Variants in SLC24A4 observed in about 807,000 individuals in gnomAD.
The protein encoded by SLC24A4 is sodium/potassium/calcium exchanger 4.
In SLC24A4, 53 loss-of-function variants were observed where a neutral mutation model predicts 79.0. The observed-to-expected ratio is 0.67, with a 90% CI of 0.54 to 0.84. The LOEUF is 0.84. Ranked by LOEUF, SLC24A4 falls within the 40% of genes least tolerant of loss-of-function variation. The pLI, the probability that SLC24A4 is intolerant of heterozygous loss-of-function variation, is 0.00. For synonymous variants in SLC24A4, 323 were observed against 323.8 expected, an observed-to-expected ratio of 1.00 and a Z score of 0.03; for missense variants, 731 against 822.0, an observed-to-expected ratio of 0.89 and a Z score of 1.35.
rs900617066 is a variant in SLC24A4 at position 92,499,597 on chromosome 14, C to A, written c.*5969C>A. ...AGTGCAGTGGCTTGATCACAGCTCA[C>A]GAAAGCCTCAAACTCCTAGGCTCAA... On this transcript the variant is annotated 3_prime_UTR_variant, in exon 17 of 17. Coordinates refer to ENST00000532405, the MANE Select transcript of SLC24A4 (RefSeq NM_153646.4). The A allele has an allele frequency of 6.6e-6, 1 of 151,508 alleles. No individual in the cohort carries two copies. Among genetic ancestry groups the A allele is most frequent in the East Asian group, 1.9e-4 (1 of 5,170 alleles). The allele number at this position is 151,508 out of a possible 1,614,324, so 9.4% of individuals were successfully genotyped here.
intron 12 of SLC24A4, among the ~76,000 whole-genome samples, chr14:92,467,146 A>G (rs1207792650): frequency 6.6e-6 from 1 of 152,218 alleles, no homozygotes; most frequent in African/African-American, 2.4e-5. Context: ...CTTATGTGAG[A>G]TTTTGGGTAG....
At chr14:92,449,280 GTACACACA>G in intron 10 of SLC24A4, 64 bp downstream of exon 10, 1 of 1,250,010 alleles carries the variant, frequency 8.0e-7, no homozygotes, top group Non-Finnish European at 1.1e-6. Context: ...CCTCTTTTGT[GTACACACA>G]CACACACACA....
intron 2 of SLC24A4, among the ~76,000 whole-genome samples, chr14:92,328,413 G>T (rs1489330254): frequency 2.6e-5 from 4 of 152,224 alleles, no homozygotes; most frequent in Non-Finnish European, 5.9e-5. Flanking sequence ...GAGCAGCCCC[G>T]CAGGAGGCAC....
At chr14:92,373,834 A>G (rs75215053) in intron 2 of SLC24A4, among the ~76,000 whole-genome samples, 6,909 of 152,296 alleles carry the variant, frequency 0.045, 500 homozygotes, top group African/African-American at 0.16. Flanking sequence ...ATTAGAGGTA[A>G]TAATGTAATG....
chr14:92,330,163 A>G (rs948396403), intron 2 of SLC24A4, among the ~76,000 whole-genome samples: 43 of 152,166 alleles, frequency 2.8e-4, no homozygotes, highest in Non-Finnish European at 4.1e-4. Flanking sequence ...AGGCCCCCCA[A>G]TCAGAATTGG....
At chr14:92,395,906 A>G (rs560813191) in intron 2 of SLC24A4, among the ~76,000 whole-genome samples, 2 of 152,300 alleles carry the variant, frequency 1.3e-5, no homozygotes, top group East Asian at 3.9e-4. Context: ...GCTGATGGCA[A>G]CTTCCGCCTG....
At chr14:92,442,650 C>A in intron 5 of SLC24A4, 63 bp from the exon 6 acceptor site, 1 of 1,196,798 alleles carries the variant, frequency 8.4e-7, no homozygotes, top group Non-Finnish European at 1.2e-6. Context: ...AAGGGGGACA[C>A]TGAGGAAGGG....
chr14:92,387,148 TACAGAGG>T (rs1253401907), intron 2 of SLC24A4, among the ~76,000 whole-genome samples: 4 of 148,462 alleles, frequency 2.7e-5, no homozygotes, highest in Non-Finnish European at 5.9e-5. Flanking sequence ...GGGCAGGGGG[TACAGAGG>T]GGGTGGCCTG....
At chr14:92,431,081 A>T (rs1270618828) in intron 2 of SLC24A4, among the ~76,000 whole-genome samples, 1 of 152,364 alleles carries the variant, frequency 6.6e-6, no homozygotes, top group East Asian at 1.9e-4. Flanking sequence ...AGCCCAAATC[A>T]TCTCTTACTT....
intron 1 of SLC24A4, 126 bp from the exon 2 acceptor site, chr14:92,325,742 C>T (rs1164855558): frequency 6.5e-6 from 4 of 615,292 alleles, no homozygotes; most frequent in Non-Finnish European, 1.2e-5. Flanking sequence ...TCCTATCAGT[C>T]CCTAAAGATG....
chr14:92,456,626 T>G lies in SLC24A4; in HGVS notation c.1255+18T>G. The G allele has an allele frequency of 1.2e-6, 2 of 1,610,162 alleles. No individual in the cohort carries two copies. The highest frequency in any genetic ancestry group is 8.5e-7 in the Non-Finnish European group (1 of 1,178,190). ...CGTGCCGGGTGAGTTCTGGGGGTAC[T>G]GGACTCTCGGGCTACATTTTTGGGG... On this transcript the variant is annotated intron_variant, in intron 12 of 16. Coordinates refer to ENST00000532405, the MANE Select transcript of SLC24A4 (RefSeq NM_153646.4).
At chr14:92,413,945 A>C (rs919312761) in intron 2 of SLC24A4, among the ~76,000 whole-genome samples, 1 of 152,144 alleles carries the variant, frequency 6.6e-6, no homozygotes, top group Admixed American at 6.6e-5. Context: ...AGAATCAGAT[A>C]ATTTTCTTGC....
At chr14:92,340,215 A>T (rs1204916955) in intron 2 of SLC24A4, among the ~76,000 whole-genome samples, 1 of 152,252 alleles carries the variant, frequency 6.6e-6, no homozygotes, top group Non-Finnish European at 1.5e-5. Context: ...CTTACTGGGT[A>T]CCCGTGGGTG....
chr14:92,334,820 C>T (rs1885683927), intron 2 of SLC24A4, among the ~76,000 whole-genome samples: 1 of 152,134 alleles, frequency 6.6e-6, no homozygotes, highest in Non-Finnish European at 1.5e-5. Context: ...TGTGACACCA[C>T]ATGCTGTATG....
chr14:92,440,610 T>G (rs1479068888), intron 4 of SLC24A4, among the ~76,000 whole-genome samples: 1 of 151,832 alleles, frequency 6.6e-6, no homozygotes, highest in Non-Finnish European at 1.5e-5. Flanking sequence ...TAGGGCCACA[T>G]ACAGTGGAGG....
At chr14:92,486,541 A>T in intron 13 of SLC24A4, 125 bp from the exon 14 acceptor site, 9 of 647,270 alleles carry the variant, frequency 1.4e-5, no homozygotes, top group Non-Finnish European at 2.5e-5. Context: ...TTGTTTTAAA[A>T]GAGGCAGCCC....
In SLC24A4 at chr14:92,499,708, C is replaced by G. The variant is rs1431468904; in HGVS notation, c.*6080C>G. ...TTTTCATTTTTTTTTTTTTTAGAGA[C>G]AGGATCTCGCTGTGTTCCCCAGGTA... On this transcript the variant is annotated 3_prime_UTR_variant, in exon 17 of 17. Transcript: ENST00000532405. 6.7e-6 allele frequency: 1 copy of G among 149,686 alleles called. No homozygotes were observed. Among genetic ancestry groups the G allele is most frequent in the Non-Finnish European group, 1.5e-5 (1 of 67,554 alleles). The allele number at this position is 149,686 out of a possible 1,614,324, so 9.3% of individuals were successfully genotyped here.
chr14:92,402,017 C>T (rs4904889), intron 2 of SLC24A4, among the ~76,000 whole-genome samples: 48,718 of 152,030 alleles, frequency 0.32, 8,002 homozygotes, highest in Non-Finnish European at 0.33. Flanking sequence ...CTGATTTCCT[C>T]GATGATGGGC....
rs576831381 is a variant in SLC24A4 at position 92,481,512 on chromosome 14, A to G, written c.1256-1168A>G. ...CCACCAGACAGGTCAAATAATAACA[A>G]TTCTGTGGGAATGAACTTGGGAGGT... On this transcript the variant is annotated intron_variant, in intron 12 of 16. Coordinates refer to ENST00000532405, the MANE Select transcript of SLC24A4 (RefSeq NM_153646.4). Among the ~76,000 whole-genome samples, 4 of 152,292 alleles carry G rather than the reference A, an allele frequency of 2.6e-5. No homozygotes were observed. The South Asian group carries it at 6.2e-4, about 24-fold the overall frequency.
Sources: gnomAD v4.1 joint callset for allele counts (sites outside exome capture counted in the v4.1 genomes callset) on GRCh38, gnomAD v4.1.1 for gene constraint, MANE v1.5 for transcripts, NCBI Gene and HGNC (gene_info 2026-07-23, HGNC 2026-07-21) for gene names.